The following HMOX2 variants were observed in gnomAD, a reference collection of about 807,000 sequenced individuals.
HMOX2 encodes the protein heme oxygenase 2, also known as heme oxygenase (decycling) 2.
Under a neutral mutation model 33.7 loss-of-function variants are expected in HMOX2, and 30 were observed. That is an observed-to-expected ratio of 0.89 (90% confidence interval 0.67 to 1.21). HMOX2 has a LOEUF of 1.21. Among genes scored for constraint, HMOX2 ranks in the 50% most tolerant of loss-of-function variants. HMOX2 has a pLI of 0.00. For missense variants in HMOX2, 403 were observed against 399.1 expected (o/e 1.01, Z -0.08); for synonymous variants, 155 against 155.0 (o/e 1.00, Z 0.00).
At chr16:4,496,622 A>G (rs1268077982) in intron 1 of HMOX2, 6 of 152,196 alleles carry the variant, frequency 3.9e-5, no homozygotes, top group Admixed American at 3.3e-4. Flanking sequence ...AGGAGGAGTC[A>G]CCTTGCATTC....
chr16:4,484,106 C>G (rs1273934399), intron 1 of HMOX2, among the ~76,000 whole-genome samples: 4 of 151,324 alleles, frequency 2.6e-5, no homozygotes, highest in Non-Finnish European at 4.4e-5. Context: ...TCCCGAGTAG[C>G]TGGGACTACA....
chr16:4,475,111 C>T (rs2057780758), upstream of HMOX2, among the ~76,000 whole-genome samples: 1 of 151,420 alleles, frequency 6.6e-6, no homozygotes, highest in South Asian at 2.1e-4. Flanking sequence ...GCCACCAAGC[C>T]CGGCTAATTT....
At chr16:4,508,492 A>G (rs1269587387) in intron 4 of HMOX2, among the ~76,000 whole-genome samples, 2 of 152,188 alleles carry the variant, frequency 1.3e-5, no homozygotes, top group East Asian at 3.9e-4. Flanking sequence ...CCCTCATTGC[A>G]GGATGCTGGT....
At chr16:4,499,742 TC>T (rs2058512342) in intron 1 of HMOX2, among the ~76,000 whole-genome samples, 11 of 152,308 alleles carry the variant, frequency 7.2e-5, no homozygotes, top group Middle Eastern at 6.8e-3. Flanking sequence ...ATTTAATTAT[TC>T]CCCAATGTAT....
chr16:4,480,945 C>T (rs190865944), intron 1 of HMOX2, among the ~76,000 whole-genome samples: 83 of 151,588 alleles, frequency 5.5e-4, no homozygotes, highest in African/African-American at 1.6e-3. Flanking sequence ...TGAGCCACCG[C>T]GCCCGGCCAG....
At chr16:4,488,406 A>G (rs941174262) in intron 1 of HMOX2, among the ~76,000 whole-genome samples, 2 of 152,178 alleles carry the variant, frequency 1.3e-5, no homozygotes, top group African/African-American at 4.8e-5. Flanking sequence ...TTTAATGTGT[A>G]TAGTTGTGGG....
chr16:4,495,647 A>G (rs1215699603), intron 1 of HMOX2: 1 of 152,236 alleles, frequency 6.6e-6, no homozygotes, highest in East Asian at 1.9e-4. Flanking sequence ...TTATGTTAAC[A>G]TACTTTCTAT....
chr16:4,483,160 G>GGTGTGT (rs35532266), intron 1 of HMOX2, among the ~76,000 whole-genome samples: 151 of 131,798 alleles, frequency 1.1e-3, no homozygotes, highest in South Asian at 3.6e-3. Context: ...TGCAAACCCT[G>GGTGTGT]GTGTGTGTGT....
intron 1 of HMOX2, among the ~76,000 whole-genome samples, chr16:4,493,227 A>AT (rs35267109): frequency 2.6e-5 from 4 of 151,460 alleles, no homozygotes; most frequent in South Asian, 2.1e-4. Flanking sequence ...ATTCAAAAAA[A>AT]TTTTTTTTTG....
At position 4,509,400 on chromosome 16, in the gene HMOX2, C is replaced by T. The variant is rs1218140009; in HGVS notation, c.697-12C>T. On this transcript the variant is annotated splice_polypyrimidine_tract_variant and intron_variant, in intron 4 of 5. Coordinates refer to ENST00000570646, the MANE Select transcript of HMOX2 (RefSeq NM_002134.4). ...GCCCAAAGATGGCTCAGTCGATCCT[C>T]TGCTCCTGCAGATATTCAATGAACT... The T allele has an allele frequency of 6.2e-7, 1 of 1,612,890 alleles. No homozygotes were observed. Among genetic ancestry groups the T allele is most frequent in the African/African-American group, 1.3e-5 (1 of 74,774 alleles).
At chr16:4,486,413 C>T (rs936344042) in intron 1 of HMOX2, among the ~76,000 whole-genome samples, 2 of 152,172 alleles carry the variant, frequency 1.3e-5, no homozygotes, top group African/African-American at 2.4e-5. Context: ...GTGGGTGAGG[C>T]AGAAGTGTTT....
At chr16:4,485,221 G>A (rs1475412483) in intron 1 of HMOX2, among the ~76,000 whole-genome samples, 1 of 151,924 alleles carries the variant, frequency 6.6e-6, no homozygotes, top group Admixed American at 6.6e-5. Flanking sequence ...CCACCTCCAC[G>A]TCCCAAAGTG....
In HMOX2 at chr16:4,509,626, C is replaced by A; in HGVS notation, c.824-3C>A. 6.2e-7 allele frequency: 1 copy of A among 1,613,550 alleles called. No individual in the cohort carries two copies. Among genetic ancestry groups the A allele is most frequent in the Non-Finnish European group, 8.5e-7 (1 of 1,179,466 alleles). On this transcript the variant is annotated splice_region_variant and splice_polypyrimidine_tract_variant and intron_variant, in intron 5 of 5. Transcript: ENST00000570646. ...CATGTCTCCTATTGGTGCTGCCACA[C>A]AGGTGCCCTGGAGGGCAGCAGCTGT... is the stretch of plus-strand genomic sequence containing the variant.
chr16:4,489,855 C>T (rs759284847), intron 1 of HMOX2, among the ~76,000 whole-genome samples: 8 of 152,236 alleles, frequency 5.3e-5, no homozygotes, highest in Non-Finnish European at 1.2e-4. Context: ...CAGTGATCCT[C>T]CTGCCTCAGC....
intron 1 of HMOX2, among the ~76,000 whole-genome samples, chr16:4,477,530 C>T (rs1596430285): frequency 1.4e-5 from 2 of 142,828 alleles, no homozygotes; most frequent in South Asian, 4.6e-4. Context: ...AAAATCGCTT[C>T]TGATGAGCCG....
chr16:4,504,313 C>T (rs1001827281), intron 1 of HMOX2, among the ~76,000 whole-genome samples: 1 of 151,770 alleles, frequency 6.6e-6, no homozygotes, highest in African/African-American at 2.4e-5. Context: ...TTTTTGTTTC[C>T]CTAAGGTTTT....
rs1400866069 is a variant in HMOX2 at position 4,506,907 on chromosome 16, C to G, written c.99C>G (p.Leu33=). ...CATCTCTCCACAGAATGGCTGACCT[C>G]TCGGAGCTCCTGAAGGAAGGGACCA... is the stretch of plus-strand genomic sequence containing the variant. ...EKENQMRMAD[L]SELLKEGTKE... Residue 33 remains leucine, a synonymous_variant, in exon 3 of 6, where the codon CTC becomes CTG. Transcript: ENST00000570646. The G allele has an allele frequency of 6.2e-7, 1 of 1,613,436 alleles. No individual in the cohort carries two copies. Among genetic ancestry groups the G allele is most frequent in the Admixed American group, 1.7e-5 (1 of 60,022 alleles).
In HMOX2 at chr16:4,498,099, C is replaced by T. The variant is rs188241216; in HGVS notation, c.-41-7385C>T. 1.2e-4 allele frequency among the ~76,000 whole-genome samples: 15 copies of T among 126,302 alleles called. No individual in the cohort carries two copies. In the East Asian group the frequency reaches 3.6e-3, roughly 30 times the overall value. 82.9% of individuals were successfully genotyped at this position (126,302 alleles called of 152,430 possible). The stretch of plus-strand genomic sequence containing the variant: ...TTTTTTTTTTTGAGACACAGTCTTG[C>T]TCTGTTGTGCAGGCTGGAGCGCAGT... On this transcript the variant is annotated intron_variant, in intron 1 of 5. Coordinates refer to ENST00000570646, the MANE Select transcript of HMOX2 (RefSeq NM_002134.4).
intron 1 of HMOX2, among the ~76,000 whole-genome samples, chr16:4,485,319 A>G (rs2058140629): frequency 6.6e-6 from 1 of 152,144 alleles, no homozygotes; most frequent in Admixed American, 6.6e-5. Context: ...TGCAGAGCCC[A>G]TGGATATGGA....
Sources: gnomAD v4.1 joint callset for allele counts (sites outside exome capture counted in the v4.1 genomes callset) on GRCh38, gnomAD v4.1.1 for gene constraint, MANE v1.5 for transcripts, NCBI Gene and HGNC (gene_info 2026-07-23, HGNC 2026-07-21) for gene names.